Variants in ELF2 observed in about 807,000 individuals in gnomAD.
ELF2 encodes the protein E74 like ETS transcription factor 2.
ELF2 carries 11 observed loss-of-function variants against 54.8 expected under a neutral mutation model. The observed-to-expected ratio is 0.20, with a 90% CI of 0.13 to 0.33. ELF2 has a LOEUF of 0.33. Ranked by LOEUF, ELF2 falls within the 10% of genes least tolerant of loss-of-function variation. The pLI is 1.00. For synonymous variants in ELF2, 203 were observed against 245.1 expected, an observed-to-expected ratio of 0.83 and a Z score of 1.61; for missense variants, 513 against 703.0, an observed-to-expected ratio of 0.73 and a Z score of 3.06.
chr4:139,117,076 TAA>T (rs1454269647), intron 4 of ELF2, among the ~76,000 whole-genome samples: 1 of 152,206 alleles, frequency 6.6e-6, no homozygotes, highest in African/African-American at 2.4e-5. Flanking sequence ...AAAAATGGTT[TAA>T]GTTTTCTTGA....
intron 1 of ELF2, among the ~76,000 whole-genome samples, chr4:139,149,317 G>A (rs965290778): frequency 1.3e-5 from 2 of 152,164 alleles, no homozygotes; most frequent in Admixed American, 1.3e-4. Context: ...TTTTTTAAAA[G>A]AATATCATTT....
In ELF2 at chr4:139,060,370, T is replaced by G; in HGVS notation, c.1111A>C (p.Arg371=). Residue 371 remains arginine (R), a synonymous_variant, in exon 9 of 10, where the codon AGG becomes CGG. Transcript: ENST00000686138. ...ACAGATGCAGTGGTAGTAGGAGACCTGGATGAAGCATCGTGCCCAGGGGAA... is the reference window on the plus strand; with the variant it reads ...ACAGATGCAGTGGTAGTAGGAGACCGGGATGAAGCATCGTGCCCAGGGGAA... ...ITSPGHDASS[R]SPTTTASVSA... 6.2e-7 allele frequency: 1 copy of G among 1,613,732 alleles called. No individual in the cohort carries two copies. Among genetic ancestry groups the G allele is most frequent in the Non-Finnish European group, 8.5e-7 (1 of 1,179,862 alleles).
intron 4 of ELF2, among the ~76,000 whole-genome samples, chr4:139,080,942 A>AG (rs1731021765): frequency 1.4e-5 from 2 of 147,206 alleles, no homozygotes; most frequent in South Asian, 2.1e-4. Context: ...GTGTAATATT[A>AG]GAAAAAAAAA....
chr4:139,120,683 C>T (rs1200810444), intron 4 of ELF2, among the ~76,000 whole-genome samples: 1 of 152,008 alleles, frequency 6.6e-6, no homozygotes, highest in Non-Finnish European at 1.5e-5. Flanking sequence ...CTCAAGAGAT[C>T]CTCCCACCTC....
intron 4 of ELF2, among the ~76,000 whole-genome samples, chr4:139,099,603 C>T (rs1215660955): frequency 6.6e-6 from 1 of 152,178 alleles, no homozygotes; most frequent in Non-Finnish European, 1.5e-5. Context: ...GGACCTTAGA[C>T]TGATTTTGGA....
intron 7 of ELF2, chr4:139,067,138 G>C (rs1728821435): frequency 6.6e-6 from 1 of 151,220 alleles, no homozygotes; most frequent in Non-Finnish European, 1.5e-5. Context: ...AAGAAAGAAA[G>C]AAATTAGCCA....
chr4:139,075,532 C>A (rs533436034), intron 4 of ELF2, among the ~76,000 whole-genome samples: 1 of 152,126 alleles, frequency 6.6e-6, no homozygotes, highest in Admixed American at 6.5e-5. Flanking sequence ...CAGGTTCAAG[C>A]GATTCTTCTG....
At chr4:139,114,975 G>A (rs1002782055) in intron 4 of ELF2, 3 of 1,613,714 alleles carry the variant, frequency 1.9e-6, no homozygotes, top group South Asian at 1.1e-5. Context: ...CCCGGATCTT[G>A]TCCAGCAGAC....
intron 4 of ELF2, among the ~76,000 whole-genome samples, chr4:139,099,506 T>C (rs1054683077): frequency 5.9e-5 from 9 of 152,208 alleles, no homozygotes; most frequent in African/African-American, 2.2e-4. Context: ...GTAAGTCAAC[T>C]GATAATTGGC....
intron 1 of ELF2, among the ~76,000 whole-genome samples, chr4:139,171,733 G>A (rs1206827558): frequency 6.6e-6 from 1 of 152,112 alleles, no homozygotes; most frequent in African/African-American, 2.4e-5. Context: ...GACCAGCCTG[G>A]GCAACATGGT....
intron 1 of ELF2, among the ~76,000 whole-genome samples, chr4:139,173,014 A>T (rs915820603): frequency 6.6e-6 from 1 of 151,984 alleles, no homozygotes; most frequent in Admixed American, 6.6e-5. Context: ...AAGTGAAAGA[A>T]GCCAGATACA....
intron 1 of ELF2, among the ~76,000 whole-genome samples, chr4:139,167,319 T>C (rs1025971883): frequency 2.6e-5 from 4 of 152,218 alleles, no homozygotes; most frequent in Non-Finnish European, 4.4e-5. Flanking sequence ...CTGTCACTTC[T>C]TGGCCAGCCC....
intron 4 of ELF2, among the ~76,000 whole-genome samples, chr4:139,087,529 G>A (rs761893501): frequency 1.6e-4 from 25 of 152,082 alleles, no homozygotes; most frequent in Non-Finnish European, 2.4e-4. Context: ...ACAGTGGCGC[G>A]ATCTCGGCTC....
At chr4:139,160,071 C>T (rs1560882020) in intron 1 of ELF2, among the ~76,000 whole-genome samples, 1 of 152,202 alleles carries the variant, frequency 6.6e-6, no homozygotes, top group Non-Finnish European at 1.5e-5. Context: ...GGCGCAGTGG[C>T]TCACGCCTGT....
At chr4:139,097,256 C>T (rs1050507818) in intron 4 of ELF2, among the ~76,000 whole-genome samples, 1 of 152,096 alleles carries the variant, frequency 6.6e-6, no homozygotes, top group Admixed American at 6.6e-5. Context: ...CTTGAACTCC[C>T]GGGCTCAGGT....
chr4:139,113,432 G>A (rs528546166), intron 4 of ELF2, among the ~76,000 whole-genome samples: 27 of 152,198 alleles, frequency 1.8e-4, no homozygotes, highest in East Asian at 1.5e-3. Context: ...GCGGTGGTGG[G>A]TGCCTGTAAT....
intron 4 of ELF2, among the ~76,000 whole-genome samples, chr4:139,087,011 G>A (rs763835846): frequency 2.0e-5 from 3 of 152,152 alleles, no homozygotes; most frequent in African/African-American, 7.2e-5. Flanking sequence ...TCTGTCATAT[G>A]TACAATAGCA....
At chr4:139,137,524 G>GC in intron 3 of ELF2, 106 bp downstream of exon 3, 1 of 1,125,716 alleles carries the variant, frequency 8.9e-7, no homozygotes, top group South Asian at 1.3e-5. Context: ...ATAATTTCAT[G>GC]CTTTGTACAT....
intron 4 of ELF2, among the ~76,000 whole-genome samples, chr4:139,113,339 CAAAG>C (rs1411738785): frequency 2.0e-5 from 3 of 151,936 alleles, no homozygotes; most frequent in Admixed American, 6.6e-5. Context: ...GCCTGGGTGA[CAAAG>C]AGAGACCCTG....
Sources: allele counts gnomAD v4.1 joint callset (sites outside exome capture counted in the v4.1 genomes callset), GRCh38; gene constraint gnomAD v4.1.1; transcripts MANE v1.5; gene names NCBI Gene and HGNC (gene_info 2026-07-23, HGNC 2026-07-21).